CLDN10: variants seen among roughly 807,000 people sequenced by gnomAD.
CLDN10 encodes claudin-10.
In CLDN10, 15 loss-of-function variants were observed where a neutral mutation model predicts 22.9. That is an observed-to-expected ratio of 0.65 (90% CI 0.44 to 1.01). The LOEUF is 1.01. Among genes scored for constraint, CLDN10 ranks in the 50% least tolerant of loss-of-function variants. The probability of loss-of-function intolerance (pLI) is 0.00; values close to 1 mark genes in which losing one functional copy is unlikely to be tolerated. For missense variants in CLDN10, 247 were observed against 287.8 expected (o/e 0.86, Z 1.03); for synonymous variants, 114 against 111.4 (o/e 1.02, Z -0.15).
chr13:95,442,225 G>T (rs2042331149), intron 1 of CLDN10, among the ~76,000 whole-genome samples: 1 of 152,292 alleles, frequency 6.6e-6, no homozygotes, highest in Admixed American at 6.5e-5. Flanking sequence ...TCCATAAAGA[G>T]TGGCGATTAT....
chr13:95,531,337 G>A (rs555843218), intron 1 of CLDN10, among the ~76,000 whole-genome samples: 4 of 152,200 alleles, frequency 2.6e-5, no homozygotes, highest in African/African-American at 9.6e-5. Context: ...AGATTCCAAT[G>A]CATTTGATTA....
chr13:95,523,574 C>T (rs1306596467), intron 1 of CLDN10, among the ~76,000 whole-genome samples: 5 of 151,446 alleles, frequency 3.3e-5, no homozygotes, highest in Admixed American at 3.3e-4. Context: ...ATTATCTCAA[C>T]GTTCATTTGT....
chr13:95,481,853 C>A (rs921412641), intron 1 of CLDN10, among the ~76,000 whole-genome samples: 1 of 152,090 alleles, frequency 6.6e-6, no homozygotes, highest in African/African-American at 2.4e-5. Flanking sequence ...AACCCCATCT[C>A]TACTAAAAAT....
rs77414127 is a variant in CLDN10 at position 95,554,810 on chromosome 13, T to C, written c.220+1837T>C. ...GGCTTAGTTAACCATAGATCCATTG[T>C]GGACATTGGACCTTTTCCAGCTTTT... is the stretch of plus-strand genomic sequence containing the variant. On this transcript the variant is annotated intron_variant, in intron 1 of 4. Transcript: ENST00000299339. Among the ~76,000 whole-genome samples, 375 of 152,346 alleles carry C rather than the reference T, an allele frequency of 2.5e-3. 11 individuals carry two copies. In the East Asian group the frequency reaches 0.062, roughly 25 times the overall value.
intron 1 of CLDN10, among the ~76,000 whole-genome samples, chr13:95,524,864 TA>T (rs201877408): frequency 8.6e-4 from 110 of 127,912 alleles, no homozygotes; most frequent in Non-Finnish European, 1.1e-3. Context: ...TATTTATTTT[TA>T]TTTTTTTTTT....
At chr13:95,437,886 C>A (rs576891925) in intron 1 of CLDN10, among the ~76,000 whole-genome samples, 294 of 152,264 alleles carry the variant, frequency 1.9e-3, no homozygotes, top group South Asian at 6.8e-3. Flanking sequence ...ATTAAGAGAA[C>A]AGATCTCCAA....
rs766827012 is a variant in CLDN10 at position 95,560,453 on chromosome 13, G to T, written c.454G>T (p.Val152Phe). 3.7e-6 allele frequency: 6 copies of T among 1,612,832 alleles called. No individual in the cohort carries two copies. In the South Asian group the frequency reaches 6.6e-5, roughly 18 times the overall value. The change falls in exon 3 of 5, where the codon GTT becomes TTT. Residue 152 changes from valine (V) to phenylalanine (F), a missense_variant. Val to Phe is a conservative substitution (Grantham distance 50). Coordinates refer to ENST00000299339, the MANE Select transcript of CLDN10 (RefSeq NM_006984.5). Reference protein sequence around the residue: ...ITTEFFDPLFVEQKYELGAAL... With the variant: ...ITTEFFDPLFFEQKYELGAAL... ...AACGGAATTCTTTGATCCTCTCTTTGTTGAGCAAAAGTAAGTACTCTTCTC... is the reference window on the plus strand; with the variant it reads ...AACGGAATTCTTTGATCCTCTCTTTTTTGAGCAAAAGTAAGTACTCTTCTC...
chr13:95,480,204 A>G (rs1594549041), intron 1 of CLDN10, among the ~76,000 whole-genome samples: 2 of 152,178 alleles, frequency 1.3e-5, no homozygotes, highest in East Asian at 1.9e-4. Context: ...CCATGATTCA[A>G]TTACCTCCCA....
At chr13:95,513,219 C>T (rs1036421398) in intron 1 of CLDN10, among the ~76,000 whole-genome samples, 1 of 152,110 alleles carries the variant, frequency 6.6e-6, no homozygotes, top group African/African-American at 2.4e-5. Context: ...AACTTTCCTA[C>T]CATTGTAGAA....
At chr13:95,554,432 T>C (rs943013020) in intron 1 of CLDN10, among the ~76,000 whole-genome samples, 1 of 152,218 alleles carries the variant, frequency 6.6e-6, no homozygotes, top group African/African-American at 2.4e-5. Context: ...ATGAATATTA[T>C]TAAGTGCAGA....
At chr13:95,455,123 G>T (rs1189532309) in intron 1 of CLDN10, among the ~76,000 whole-genome samples, 1 of 151,528 alleles carries the variant, frequency 6.6e-6, no homozygotes, top group African/African-American at 2.4e-5. Flanking sequence ...GCTGCAGTGA[G>T]CCATGATCGC....
At chr13:95,553,689 C>A (rs951923746) in intron 1 of CLDN10, among the ~76,000 whole-genome samples, 1 of 152,226 alleles carries the variant, frequency 6.6e-6, no homozygotes, top group Non-Finnish European at 1.5e-5. Flanking sequence ...GCGCCGGGAG[C>A]TGACCAGTTC....
At chr13:95,569,736 T>C (rs2043830856) in intron 3 of CLDN10, among the ~76,000 whole-genome samples, 1 of 152,156 alleles carries the variant, frequency 6.6e-6, no homozygotes, top group Admixed American at 6.6e-5. Context: ...TAAAATGTGC[T>C]CAGGTAGGTT....
rs768046859 is a variant in CLDN10 at position 95,560,441 on chromosome 13, G to A, written c.442G>A (p.Asp148Asn). Residue 148 changes from aspartate to asparagine, a missense_variant, in exon 3 of 5, where the codon GAT becomes AAT. Coordinates refer to ENST00000299339, the MANE Select transcript of CLDN10 (RefSeq NM_006984.5). ...AAACAAAATCACAACGGAATTCTTT[G>A]ATCCTCTCTTTGTTGAGCAAAAGTA... ...YANKITTEFF[D>N]PLFVEQKYEL... 3 of 1,613,790 alleles carry A rather than the reference G, an allele frequency of 1.9e-6. No homozygotes were observed. The highest frequency in any genetic ancestry group is 4.5e-5 in the East Asian group (2 of 44,876).
chr13:95,502,938 CA>C (rs1394615594), intron 1 of CLDN10, among the ~76,000 whole-genome samples: 4 of 152,186 alleles, frequency 2.6e-5, no homozygotes, highest in Non-Finnish European at 4.4e-5. Flanking sequence ...CTGATGGACA[CA>C]TTTGTATGGA....
At chr13:95,516,380 G>A (rs548171158) in intron 1 of CLDN10, among the ~76,000 whole-genome samples, 10 of 152,056 alleles carry the variant, frequency 6.6e-5, no homozygotes, top group South Asian at 2.1e-4. Context: ...AGGCAGAATG[G>A]ATCCACAGAG....
At chr13:95,443,809 G>C (rs1697479578) in intron 1 of CLDN10, among the ~76,000 whole-genome samples, 1 of 152,130 alleles carries the variant, frequency 6.6e-6, no homozygotes, top group Admixed American at 6.5e-5. Flanking sequence ...TGTGCTTGTG[G>C]GGGGTCATTT....
upstream of CLDN10, among the ~76,000 whole-genome samples, chr13:95,549,293 G>A (rs1461147026): frequency 6.6e-6 from 1 of 152,182 alleles, no homozygotes. Flanking sequence ...AGTCTCTTAT[G>A]AAATTTCAGT....
At chr13:95,433,808 A>T (rs769674763) in exon 1 of CLDN10, 3 of 1,611,964 alleles carry the variant, frequency 1.9e-6, no homozygotes, top group Non-Finnish European at 2.5e-6. Flanking sequence ...CTGACCGGAC[A>T]GTGTCACTGG....
Sources: gnomAD v4.1 joint callset for allele counts (sites outside exome capture counted in the v4.1 genomes callset) on GRCh38, gnomAD v4.1.1 for gene constraint, MANE v1.5 for transcripts, NCBI Gene and HGNC (gene_info 2026-07-23, HGNC 2026-07-21) for gene names.